Variants in CPNE5 observed in about 807,000 individuals in gnomAD.
CPNE5 encodes the protein copine-5.
Under a neutral mutation model 81.1 loss-of-function variants are expected in CPNE5, and 42 were observed. The observed-to-expected ratio is 0.52, with a 90% CI of 0.40 to 0.67. The LOEUF is 0.67. CPNE5 is among the 30% of genes least tolerant of loss of function. The probability of loss-of-function intolerance (pLI) is 0.00; values close to 1 mark genes in which losing one functional copy is unlikely to be tolerated. For synonymous variants in CPNE5, 313 were observed against 321.5 expected, an observed-to-expected ratio of 0.97 and a Z score of 0.28; for missense variants, 612 against 815.5, an observed-to-expected ratio of 0.75 and a Z score of 3.04.
chr6:36,809,644 TA>T (rs1468940530), intron 3 of CPNE5, among the ~76,000 whole-genome samples: 1 of 152,040 alleles, frequency 6.6e-6, no homozygotes, highest in African/African-American at 2.4e-5. Flanking sequence ...CAAATTGACT[TA>T]GGACCTGATT....
chr6:36,827,915 G>T (rs1181041581), intron 1 of CPNE5, among the ~76,000 whole-genome samples: 2 of 151,854 alleles, frequency 1.3e-5, no homozygotes, highest in Non-Finnish European at 2.9e-5. Context: ...TCCGCTGTCT[G>T]CACAGCAGCC....
chr6:36,759,386 A>G (rs1195633295), intron 12 of CPNE5, among the ~76,000 whole-genome samples: 2 of 132,946 alleles, frequency 1.5e-5, no homozygotes, highest in Non-Finnish European at 3.2e-5. Context: ...CCACTAAGTC[A>G]CCTCCCTTCT....
In CPNE5 at chr6:36,773,176, C is replaced by A. The variant is rs142032922; in HGVS notation, c.737+1785G>T. The stretch of plus-strand genomic sequence containing the variant: ...ACAGGCGTGAGCCACCACGCCTGAC[C>A]CCAGGTGTCTGTTTCGACACCCCAG... On this transcript the variant is annotated intron_variant, in intron 10 of 20. Coordinates refer to ENST00000244751, the MANE Select transcript of CPNE5 (RefSeq NM_020939.2). Among the ~76,000 whole-genome samples, 1,324 of 152,256 alleles carry A rather than the reference C, an allele frequency of 8.7e-3. 17 individuals are homozygous for A. Among genetic ancestry groups the A allele is most frequent in the African/African-American group, 0.03 (1,243 of 41,534 alleles).
intron 3 of CPNE5, among the ~76,000 whole-genome samples, chr6:36,812,882 A>G (rs1197856074): frequency 6.6e-6 from 1 of 152,130 alleles, no homozygotes; most frequent in African/African-American, 2.4e-5. Flanking sequence ...CTTGGAGTCC[A>G]CCTCTTAGAG....
At chr6:36,830,490 C>T (rs569137752) in intron 1 of CPNE5, among the ~76,000 whole-genome samples, 33 of 152,334 alleles carry the variant, frequency 2.2e-4, no homozygotes, top group Admixed American at 1.3e-3. Context: ...AGATCCTGTT[C>T]TCACCCGCGT....
At position 36,746,257 on chromosome 6, in the gene CPNE5, A is replaced by T; in HGVS notation, c.1200+139T>A. On this transcript the variant is annotated intron_variant, in intron 16 of 20. Coordinates refer to ENST00000244751, the MANE Select transcript of CPNE5 (RefSeq NM_020939.2). This position sits in a 1 kb window ranked among gnomAD's most constrained non-coding sequence, Gnocchi z 4.5. The stretch of plus-strand genomic sequence containing the variant: ...GAGTGGATTTCTGGAGCCCCCCTAC[A>T]CACAGCAGGCAGTCTACCTCCACTG... 1 of 1,419,786 alleles carries T rather than the reference A, an allele frequency of 7.0e-7. No homozygotes were observed. Among genetic ancestry groups the T allele is most frequent in the Non-Finnish European group, 9.2e-7 (1 of 1,090,886 alleles). 87.9% of individuals were successfully genotyped at this position (1,419,786 alleles called of 1,614,324 possible).
At chr6:36,804,224 A>G (rs236402) in intron 3 of CPNE5, among the ~76,000 whole-genome samples, 40,494 of 152,096 alleles carry the variant, frequency 0.27, 5,854 homozygotes, top group Admixed American at 0.35. Context: ...GGAGTCATCA[A>G]GCATTATGAA....
intron 10 of CPNE5, among the ~76,000 whole-genome samples, chr6:36,767,075 C>T (rs1766624191): frequency 2.0e-5 from 3 of 152,182 alleles, no homozygotes; most frequent in South Asian, 4.1e-4. Flanking sequence ...AGGCTGGCCT[C>T]GAACTCCTGA....
At chr6:36,782,480 TGCTGTCTCA>T (rs1768113071) in intron 8 of CPNE5, among the ~76,000 whole-genome samples, 1 of 152,126 alleles carries the variant, frequency 6.6e-6, no homozygotes, top group South Asian at 2.1e-4. Flanking sequence ...CTGGGAGGGC[TGCTGTCTCA>T]GCCTAGCACC....
intron 1 of CPNE5, among the ~76,000 whole-genome samples, chr6:36,829,316 G>A (rs190741996): frequency 2.9e-4 from 44 of 151,728 alleles, no homozygotes; most frequent in Admixed American, 1.1e-3. Flanking sequence ...GGCAACATAC[G>A]GAGACCCTGT....
intron 8 of CPNE5, among the ~76,000 whole-genome samples, chr6:36,788,176 G>A (rs551945888): frequency 8.6e-5 from 13 of 151,694 alleles, no homozygotes; most frequent in South Asian, 6.3e-4. Flanking sequence ...GACCACAGGC[G>A]TGCACCACCA....
intron 1 of CPNE5, among the ~76,000 whole-genome samples, chr6:36,828,111 A>G (rs1583037831): frequency 1.3e-5 from 2 of 152,018 alleles, no homozygotes; most frequent in East Asian, 3.9e-4. Flanking sequence ...GGAAGGGCAA[A>G]ATGAGAGCCC....
intron 3 of CPNE5, among the ~76,000 whole-genome samples, chr6:36,815,549 T>C (rs1409331254): frequency 6.6e-6 from 1 of 152,232 alleles, no homozygotes; most frequent in Non-Finnish European, 1.5e-5. Flanking sequence ...TTGAATTTGC[T>C]GGTGCCTTGA....
At position 36,775,635 on chromosome 6, in the gene CPNE5, G is replaced by C. The variant is rs1767435796; in HGVS notation, c.633-570C>G. 2.0e-5 allele frequency among the ~76,000 whole-genome samples: 3 copies of C among 151,830 alleles called. No individual in the cohort carries two copies. The South Asian group carries it at 6.2e-4, about 32-fold the overall frequency. On this transcript the variant is annotated intron_variant, in intron 9 of 20. Transcript: ENST00000244751. ...ACGCCATCTCCACGAAACCTCCCCT[G>C]ACTACCGTATCTAAAATTGACAACT...
In CPNE5 at chr6:36,786,035, A is replaced by T. The variant is rs1443712929; in HGVS notation, c.528+5998T>A. On this transcript the variant is annotated intron_variant, in intron 8 of 20. Coordinates refer to ENST00000244751, the MANE Select transcript of CPNE5 (RefSeq NM_020939.2). ...CTCAAAAAAAAAAAAAAAAAAAAAA[A>T]TTTAAAAAGAAGGACCACGGTACAT... is the stretch of plus-strand genomic sequence containing the variant. 2.7e-5 allele frequency among the ~76,000 whole-genome samples: 4 copies of T among 148,530 alleles called. No homozygotes were observed. In the East Asian group the frequency reaches 6.0e-4, roughly 22 times the overall value.
At chr6:36,774,195 A>G (rs2150448457) in intron 10 of CPNE5, among the ~76,000 whole-genome samples, 1 of 151,990 alleles carries the variant, frequency 6.6e-6, no homozygotes, top group Non-Finnish European at 1.5e-5. Flanking sequence ...ACCAGCTTGG[A>G]CAACACAGCG....
At chr6:36,796,424 C>T (rs369897437) in intron 6 of CPNE5, among the ~76,000 whole-genome samples, 1 of 152,306 alleles carries the variant, frequency 6.6e-6, no homozygotes. Flanking sequence ...TGGACCCAGG[C>T]AGCTGGGAGT....
At chr6:36,837,962 G>C (rs1428184295) in intron 1 of CPNE5, among the ~76,000 whole-genome samples, 1 of 152,130 alleles carries the variant, frequency 6.6e-6, no homozygotes, top group East Asian at 1.9e-4. Flanking sequence ...GATGCAAATG[G>C]CGTTGGGAGA....
intron 11 of CPNE5, among the ~76,000 whole-genome samples, chr6:36,764,979 G>A (rs553272633): frequency 5.9e-5 from 9 of 152,174 alleles, no homozygotes; most frequent in African/African-American, 1.9e-4. Flanking sequence ...GTTCACTGGT[G>A]TCTGTGCCCT....
Sources: allele counts gnomAD v4.1 joint callset (sites outside exome capture counted in the v4.1 genomes callset), GRCh38; gene constraint gnomAD v4.1.1; non-coding constraint Gnocchi (gnomAD v3.1); transcripts MANE v1.5; gene names NCBI Gene and HGNC (gene_info 2026-07-23, HGNC 2026-07-21).